ZNF791: variants seen among roughly 807,000 people sequenced by gnomAD.
ZNF791 encodes zinc finger protein 791.
ZNF791 carries 4 observed loss-of-function variants against 11.5 expected under a neutral mutation model. The ratio of observed to expected loss-of-function variants is 0.35; its 90% CI spans 0.17 to 0.80. ZNF791 has a LOEUF of 0.80. Ranked by LOEUF, ZNF791 falls within the 30% of genes least tolerant of loss-of-function variation. ZNF791 has a pLI of 0.53. For synonymous variants in ZNF791, 212 were observed against 228.1 expected (o/e 0.93, Z 0.64); for missense variants, 559 against 699.4 (o/e 0.80, Z 2.26).
rs761028791 is a variant in ZNF791 at position 12,629,302 on chromosome 19, T to C, written c.*42T>C. The C allele has an allele frequency of 2.1e-5, 29 of 1,387,762 alleles. No individual in the cohort carries two copies. The highest frequency in any genetic ancestry group is 2.8e-5 in the Non-Finnish European group (29 of 1,050,392). The allele number at this position is 1,387,762 out of a possible 1,614,324, so 86.0% of individuals were successfully genotyped here. A position where few individuals can be genotyped will look rare whatever the true frequency, so the allele number is the denominator to read the frequency against. ...AGAAATAGGAGAAAGTTTTCAATTC[T>C]AACAGATGCTTTCAAAGTTGTGAAA... On this transcript the variant is annotated 3_prime_UTR_variant, in exon 4 of 4. Coordinates refer to ENST00000343325, the MANE Select transcript of ZNF791 (RefSeq NM_153358.3).
intron 1 of ZNF791, among the ~76,000 whole-genome samples, chr19:12,619,707 C>T (rs1052345421): frequency 7.9e-5 from 12 of 151,676 alleles, no homozygotes; most frequent in East Asian, 5.8e-4. Context: ...CCTCGGCCTC[C>T]CCAAGTGCTG....
intron 1 of ZNF791, chr19:12,612,125 CA>C: frequency 1.1e-6 from 1 of 882,336 alleles, no homozygotes; most frequent in African/African-American, 1.8e-5. Flanking sequence ...AAACTTGCAA[CA>C]TCTAGAAGCA....
chr19:12,621,843 G>A (rs371896699), intron 1 of ZNF791, among the ~76,000 whole-genome samples: 2 of 133,542 alleles, frequency 1.5e-5, no homozygotes, highest in Non-Finnish European at 1.6e-5. Flanking sequence ...CCACCACCCC[G>A]TCTGGGAGGT....
chr19:12,611,208 C>G, intron 1 of ZNF791, 126 bp downstream of exon 1: 1 of 1,300,868 alleles, frequency 7.7e-7, no homozygotes, highest in Admixed American at 2.4e-5. Context: ...CCTGTCCCGT[C>G]CCTGCGCGGC....
chr19:12,624,154 CCTT>C lies in ZNF791; in HGVS notation c.130+332_130+334del, dbSNP rs1302076487. Among the ~76,000 whole-genome samples, 12 of 122,102 alleles carry C rather than the reference CCTT, an allele frequency of 9.8e-5. No homozygotes were observed. The East Asian group carries it at 1.4e-3, about 15-fold the overall frequency. The allele number at this position is 122,102 out of a possible 152,430, so 80.1% of individuals were successfully genotyped here. Reference sequence around the variant, plus strand: ...TACAGGCATGAGCCACTGTGCCTGGCCTTCTTTTTTTTTTTTTTTTTTGAGTCT... The same window carrying C: ...TACAGGCATGAGCCACTGTGCCTGGCCTTTTTTTTTTTTTTTTTTGAGTCT... On this transcript the variant is annotated intron_variant, in intron 2 of 3. Transcript: ENST00000343325.
Position 12,628,968 on chromosome 19 carries a change from C to G in ZNF791, c.1439C>G (p.Ser480Cys), listed in dbSNP as rs2023465939. 3 of 1,613,914 alleles carry G rather than the reference C, an allele frequency of 1.9e-6. No individual in the cohort carries two copies. Among genetic ancestry groups the G allele is most frequent in the Admixed American group, 1.7e-5 (1 of 59,976 alleles). ...CKQCGKAFSC[S>C]SYIRIHKRTH... ...CAATGTGGAAAAGCCTTTAGTTGTT[C>G]TAGTTACATTCGGATACATAAAAGA... is the stretch of plus-strand genomic sequence containing the variant. The change falls in exon 4 of 4, where the codon TCT (serine) becomes TGT (cysteine). Residue 480 changes from serine to cysteine, a missense_variant. Transcript: ENST00000343325.
At chr19:12,621,717 T>G (rs10406720) in intron 1 of ZNF791, among the ~76,000 whole-genome samples, 4,171 of 53,132 alleles carry the variant, frequency 0.079, 349 homozygotes, top group African/African-American at 0.14. Flanking sequence ...TCCACCTCGG[T>G]GGGGGGTCAG....
chr19:12,615,187 C>T (rs988453122), intron 1 of ZNF791, among the ~76,000 whole-genome samples: 2 of 149,976 alleles, frequency 1.3e-5, no homozygotes, highest in African/African-American at 4.9e-5. Flanking sequence ...ATCTAATTTT[C>T]GTATTTTCTG....
chr19:12,614,303 G>T (rs572820204), intron 1 of ZNF791, among the ~76,000 whole-genome samples: 2 of 151,938 alleles, frequency 1.3e-5, no homozygotes, highest in East Asian at 3.9e-4. Flanking sequence ...GCACGATCTC[G>T]GCTCACTGCA....
rs145492959 is a variant in ZNF791 at position 12,619,444 on chromosome 19, C to CT, written c.4-4233dup. ...CTGTAGTCATCAACACTAATGTTAT[C>CT]TTTTTTTTTTTTTTTTTTTTTTTGA... On this transcript the variant is annotated intron_variant, in intron 1 of 3. Transcript: ENST00000343325. Among the ~76,000 whole-genome samples, 828 of 97,458 alleles carry CT rather than the reference C, an allele frequency of 8.5e-3. 8 individuals are homozygous for CT. The highest frequency in any genetic ancestry group is 0.023 in the East Asian group (86 of 3,756). The allele number at this position is 97,458 out of a possible 152,430, so 63.9% of individuals were successfully genotyped here.
At position 12,623,728 on chromosome 19, in the gene ZNF791, T is replaced by A. The variant is rs2145190189; in HGVS notation, c.32T>A (p.Val11Glu). 2 of 1,614,124 alleles carry A rather than the reference T, an allele frequency of 1.2e-6. No individual in the cohort carries two copies. Among genetic ancestry groups the A allele is most frequent in the Non-Finnish European group, 1.7e-6 (2 of 1,180,018 alleles). MDSVAFEDVS[V>E]SFSQEEWALL... ...TCAGTGGCTTTTGAGGATGTGTCTG[T>A]GAGCTTCAGCCAGGAGGAGTGGGCT... The change falls in exon 2 of 4, where the codon GTG becomes GAG. Residue 11 changes from valine (V) to glutamate (E), a missense_variant. Physicochemically the swap from Val to Glu is moderately radical, Grantham distance 121. Transcript: ENST00000343325.
At chr19:12,616,822 A>C (rs888164718) in intron 1 of ZNF791, among the ~76,000 whole-genome samples, 1 of 63,506 alleles carries the variant, frequency 1.6e-5, no homozygotes. Flanking sequence ...ACTTTCTTTC[A>C]CAGAGTAGGA....
At chr19:12,623,866 TTTTTGG>T in intron 2 of ZNF791, 40 bp downstream of exon 2, 3 of 989,980 alleles carry the variant, frequency 3.0e-6, no homozygotes, top group Non-Finnish European at 4.3e-6. Context: ...TTTTTTTTTT[TTTTTGG>T]GGGGGGACAG....
intron 1 of ZNF791, among the ~76,000 whole-genome samples, chr19:12,613,817 G>A (rs1019273277): frequency 6.6e-6 from 1 of 152,096 alleles, no homozygotes; most frequent in Non-Finnish European, 1.5e-5. Context: ...GAAAGAAACT[G>A]CAGAGCACTT....
chr19:12,624,623 C>G, intron 2 of ZNF791, 27 bp from the exon 3 acceptor site: 1 of 1,533,082 alleles, frequency 6.5e-7, no homozygotes. Flanking sequence ...AATAATTTAT[C>G]ATGATTATTC....
intron 3 of ZNF791, among the ~76,000 whole-genome samples, chr19:12,626,762 G>A (rs566170228): frequency 4.7e-5 from 7 of 150,222 alleles, no homozygotes; most frequent in Admixed American, 6.6e-5. Context: ...CCACCACCAC[G>A]CCCGGCTAAT....
intron 1 of ZNF791, among the ~76,000 whole-genome samples, chr19:12,622,017 C>T (rs926669678): frequency 3.7e-5 from 5 of 135,768 alleles, no homozygotes; most frequent in Admixed American, 7.5e-5. Flanking sequence ...AAGAAAAATT[C>T]CTCTGCCTTG....
intron 1 of ZNF791, among the ~76,000 whole-genome samples, chr19:12,621,709 C>T (rs1271652034): frequency 3.3e-5 from 3 of 90,030 alleles, no homozygotes; most frequent in African/African-American, 1.1e-4. Context: ...TTAAAACCTC[C>T]ACCTCGGTGG....
At chr19:12,620,754 CTTTTTTT>C (rs1051381342) in intron 1 of ZNF791, among the ~76,000 whole-genome samples, 1 of 83,446 alleles carries the variant, frequency 1.2e-5, no homozygotes, top group Non-Finnish European at 2.1e-5. Flanking sequence ...GATTTATGTT[CTTTTTTT>C]TTTTTTTTTT....
Sources: allele counts gnomAD v4.1 joint callset (sites outside exome capture counted in the v4.1 genomes callset), GRCh38; gene constraint gnomAD v4.1.1; transcripts MANE v1.5; gene names NCBI Gene and HGNC (gene_info 2026-07-23, HGNC 2026-07-21).